SYN3: variants seen among roughly 807,000 people sequenced by gnomAD.
The protein encoded by SYN3 is synapsin III, also known as synapsin-3.
In SYN3, 35 loss-of-function variants were observed where a neutral mutation model predicts 65.8. The ratio of observed to expected loss-of-function variants is 0.53; its 90% CI spans 0.41 to 0.70. The LOEUF (loss-of-function observed/expected upper bound fraction) is 0.70. Ranked by LOEUF, SYN3 falls within the 30% of genes least tolerant of loss-of-function variation. The pLI is 0.00. For synonymous variants in SYN3, 270 were observed against 292.9 expected (o/e 0.92, Z 0.80); for missense variants, 680 against 749.0 (o/e 0.91, Z 1.08).
intron 3 of SYN3, among the ~76,000 whole-genome samples, chr22:32,977,851 C>T (rs931105526): frequency 6.6e-6 from 1 of 151,982 alleles, no homozygotes; most frequent in East Asian, 1.9e-4. Flanking sequence ...TCCTTCAGTT[C>T]TCTTTTGTGC....
At position 32,801,476 on chromosome 22, in the gene SYN3, C is replaced by T. The variant is rs2145926894; in HGVS notation, c.711+63439G>A. ...CGGCAAGCACCGGTCCCGGGCGCGC[C>T]CCAGCCCACCCACTCGCGTGCCCAC... is the stretch of plus-strand genomic sequence containing the variant. On this transcript the variant is annotated intron_variant, in intron 6 of 13. Coordinates refer to ENST00000358763, the MANE Select transcript of SYN3 (RefSeq NM_003490.4). This position sits in a 1 kb window ranked among gnomAD's most constrained non-coding sequence, Gnocchi z 4.7. Among the ~76,000 whole-genome samples, 1 of 152,328 alleles carries T rather than the reference C, an allele frequency of 6.6e-6. No homozygotes were observed. The highest frequency in any genetic ancestry group is 1.9e-4 in the East Asian group (1 of 5,158).
intron 4 of SYN3, among the ~76,000 whole-genome samples, chr22:32,906,201 G>GCAAAAAAC (rs2049898107): frequency 6.6e-6 from 1 of 152,132 alleles, no homozygotes; most frequent in Non-Finnish European, 1.5e-5. Context: ...ACAACGATCT[G>GCAAAAAAC]GCATTTCTCA....
intron 3 of SYN3, among the ~76,000 whole-genome samples, chr22:32,962,862 T>C (rs1418220309): frequency 6.6e-6 from 1 of 151,046 alleles, no homozygotes; most frequent in Admixed American, 6.6e-5. Context: ...CTGTCTGTCT[T>C]ACCTACCTAC....
At chr22:32,776,019 C>G (rs5754266) in intron 6 of SYN3, among the ~76,000 whole-genome samples, 1 of 152,034 alleles carries the variant, frequency 6.6e-6, no homozygotes, top group Admixed American at 6.6e-5. Context: ...AATACGATCA[C>G]GTGTATCCTT....
intron 7 of SYN3, among the ~76,000 whole-genome samples, chr22:32,563,967 C>T (rs1309047297): frequency 2.0e-5 from 3 of 152,182 alleles, no homozygotes; most frequent in African/African-American, 7.2e-5. Context: ...CTGCGCCCGG[C>T]CCCTGTTGGG....
At chr22:32,660,238 C>A (rs2060197683) in intron 6 of SYN3, among the ~76,000 whole-genome samples, 3 of 152,186 alleles carry the variant, frequency 2.0e-5, no homozygotes, top group African/African-American at 7.2e-5. Context: ...AGACAGCCAG[C>A]TGAATGTGGT....
intron 7 of SYN3, among the ~76,000 whole-genome samples, chr22:32,569,403 C>G (rs1226536191): frequency 1.5e-5 from 1 of 68,536 alleles, no homozygotes; most frequent in South Asian, 3.8e-4. Flanking sequence ...CATCCAAAAT[C>G]TATCTATCTA....
chr22:32,582,373 C>T (rs1474236075), intron 7 of SYN3, among the ~76,000 whole-genome samples: 3 of 108,400 alleles, frequency 2.8e-5, no homozygotes, highest in South Asian at 3.2e-4. Flanking sequence ...TTTTTGAGAC[C>T]GGGTCTCACT....
intron 7 of SYN3, among the ~76,000 whole-genome samples, chr22:32,562,640 C>T (rs1208635084): frequency 5.9e-5 from 9 of 152,240 alleles, no homozygotes; most frequent in African/African-American, 1.2e-4. Flanking sequence ...CACCCTACTC[C>T]GTTTTCTGCC....
chr22:32,529,892 C>T (rs2058041998), intron 10 of SYN3, among the ~76,000 whole-genome samples: 1 of 152,188 alleles, frequency 6.6e-6, no homozygotes, highest in Non-Finnish European at 1.5e-5. Context: ...TTTTCTCTCT[C>T]CTCCAGGTTC....
chr22:32,828,882 A>G (rs5998641), intron 6 of SYN3, among the ~76,000 whole-genome samples: 3,347 of 152,224 alleles, frequency 0.022, 123 homozygotes, highest in African/African-American at 0.075. Flanking sequence ...ACAGTCACAT[A>G]AGGAAATTCA....
chr22:32,779,944 A>G (rs1418977317), intron 6 of SYN3, among the ~76,000 whole-genome samples: 3 of 151,962 alleles, frequency 2.0e-5, no homozygotes, highest in African/African-American at 7.3e-5. Context: ...GAGGCGGTGC[A>G]AACCTCTGCA....
intron 1 of SYN3, among the ~76,000 whole-genome samples, chr22:33,019,763 G>C (rs943754547): frequency 2.6e-5 from 4 of 152,146 alleles, no homozygotes; most frequent in African/African-American, 9.7e-5. Flanking sequence ...GGGACTACAG[G>C]CACGTGCCAC....
At position 32,966,804 on chromosome 22, in the gene SYN3, T is replaced by C. The variant is rs545449789; in HGVS notation, c.369+13841A>G. On this transcript the variant is annotated intron_variant, in intron 3 of 13. Coordinates refer to ENST00000358763, the MANE Select transcript of SYN3 (RefSeq NM_003490.4). ...TGTGGTGCGCACCTGTCATCGCGGC[T>C]ACCCAGGAGGCTGAGGTGAGAGGAT... Among the ~76,000 whole-genome samples the C allele has an allele frequency of 4.9e-3, 739 of 152,146 alleles. 5 individuals are homozygous for C. The highest frequency in any genetic ancestry group is 5.1e-3 in the Non-Finnish European group (345 of 68,002).
intron 12 of SYN3, among the ~76,000 whole-genome samples, chr22:32,521,036 C>A (rs1278860349): frequency 2.0e-5 from 3 of 152,196 alleles, no homozygotes; most frequent in Admixed American, 6.5e-5. Context: ...GGCTTTGATT[C>A]ATTACCTCTT....
intron 6 of SYN3, among the ~76,000 whole-genome samples, chr22:32,639,258 T>C (rs1286146623): frequency 1.3e-5 from 2 of 152,116 alleles, no homozygotes; most frequent in Non-Finnish European, 2.9e-5. Flanking sequence ...TGGCCCATTT[T>C]GGTTAATTTT....
At chr22:32,614,696 G>C (rs2146706749) in intron 6 of SYN3, among the ~76,000 whole-genome samples, 1 of 152,276 alleles carries the variant, frequency 6.6e-6, no homozygotes, top group Non-Finnish European at 1.5e-5. Flanking sequence ...TTCTGCATTT[G>C]TAGCTATTAT....
At chr22:32,929,518 T>G (rs529385801) in intron 4 of SYN3, among the ~76,000 whole-genome samples, 1 of 152,334 alleles carries the variant, frequency 6.6e-6, no homozygotes, top group East Asian at 1.9e-4. Context: ...ATTTGAAGGA[T>G]CATTTGAAGC....
chr22:32,958,883 T>C (rs924067818), intron 3 of SYN3, among the ~76,000 whole-genome samples: 11 of 151,912 alleles, frequency 7.2e-5, no homozygotes, highest in African/African-American at 1.2e-4. Context: ...AGCAGGACGA[T>C]AGAACCCCAG....
Sources: allele counts gnomAD v4.1 joint callset (sites outside exome capture counted in the v4.1 genomes callset), GRCh38; gene constraint gnomAD v4.1.1; non-coding constraint Gnocchi (gnomAD v3.1); transcripts MANE v1.5; gene names NCBI Gene and HGNC (gene_info 2026-07-23, HGNC 2026-07-21).